MKLN1: variants seen among roughly 807,000 people sequenced by gnomAD.
MKLN1 encodes muskelin.
Under a neutral mutation model 99.0 loss-of-function variants are expected in MKLN1, and 18 were observed. The observed-to-expected ratio is 0.18, with a 90% CI of 0.13 to 0.27. The LOEUF (loss-of-function observed/expected upper bound fraction) is 0.27. Among genes scored for constraint, MKLN1 ranks in the 10% least tolerant of loss-of-function variants. The pLI, the probability that MKLN1 is intolerant of heterozygous loss-of-function variation, is 1.00. For missense variants in MKLN1, 621 were observed against 875.9 expected (o/e 0.71, Z 3.67); for synonymous variants, 288 against 293.2 (o/e 0.98, Z 0.18).
chr7:131,327,081 C>G (rs1344588311), upstream of MKLN1: 1 of 152,188 alleles, frequency 6.6e-6, no homozygotes, highest in Non-Finnish European at 1.5e-5. Context: ...GGCTGCTGTT[C>G]CCTCTAAGAA....
chr7:131,299,776 G>A (rs966031622), intron 3 of MKLN1, among the ~76,000 whole-genome samples: 2 of 152,182 alleles, frequency 1.3e-5, no homozygotes, highest in Admixed American at 6.5e-5. Context: ...CGTTAACGAT[G>A]TTAACGTCGC....
At chr7:131,482,265 G>A (rs950989141) in intron 17 of MKLN1, among the ~76,000 whole-genome samples, 1 of 152,146 alleles carries the variant, frequency 6.6e-6, no homozygotes, top group Non-Finnish European at 1.5e-5. Context: ...TGCAGTCATG[G>A]CTCACTGCAG....
chr7:131,153,034 T>TATATATATATATA (rs34593474), intron 2 of MKLN1, among the ~76,000 whole-genome samples: 2 of 139,324 alleles, frequency 1.4e-5, no homozygotes, highest in African/African-American at 5.5e-5. Context: ...TATATATATA[T>TATATATATATATA]TTTTTTTTTT....
chr7:131,407,091 C>T (rs1185912325), intron 6 of MKLN1, among the ~76,000 whole-genome samples: 1 of 151,968 alleles, frequency 6.6e-6, no homozygotes, highest in Non-Finnish European at 1.5e-5. Flanking sequence ...CTTCTCTAAA[C>T]CCTTTATCCC....
intron 3 of MKLN1, among the ~76,000 whole-genome samples, chr7:131,222,900 T>C (rs1423097854): frequency 6.7e-6 from 1 of 149,582 alleles, no homozygotes; most frequent in Non-Finnish European, 1.5e-5. Flanking sequence ...AAACTAGCCA[T>C]GCATGGTGGT....
intron 3 of MKLN1, among the ~76,000 whole-genome samples, chr7:131,302,297 A>G (rs981509068): frequency 5.3e-5 from 8 of 152,220 alleles, no homozygotes; most frequent in Admixed American, 4.6e-4. Context: ...CACTAAATAA[A>G]TGGATGAAAG....
intron 2 of MKLN1, among the ~76,000 whole-genome samples, chr7:131,379,548 A>G (rs1459280546): frequency 2.6e-5 from 4 of 152,232 alleles, no homozygotes; most frequent in Admixed American, 1.3e-4. Flanking sequence ...GATAGAAAAG[A>G]TGAAATAGAA....
At chr7:131,288,378 G>T (rs1026871460) in intron 3 of MKLN1, among the ~76,000 whole-genome samples, 3 of 152,056 alleles carry the variant, frequency 2.0e-5, no homozygotes, top group Non-Finnish European at 4.4e-5. Flanking sequence ...TCGACCTTGG[G>T]TGCCTCAGTA....
At chr7:131,215,317 G>A (rs1796964373) in intron 3 of MKLN1, among the ~76,000 whole-genome samples, 1 of 152,312 alleles carries the variant, frequency 6.6e-6, no homozygotes, top group South Asian at 2.1e-4. Flanking sequence ...CAAAGTGGTG[G>A]GATTACAGGC....
intron 4 of MKLN1, among the ~76,000 whole-genome samples, chr7:131,392,755 G>A (rs773470491): frequency 4.6e-5 from 7 of 151,746 alleles, no homozygotes; most frequent in Non-Finnish European, 7.4e-5. Flanking sequence ...ACAGGCATGC[G>A]CCACCATGCC....
intron 3 of MKLN1, among the ~76,000 whole-genome samples, chr7:131,224,898 C>T (rs1321982687): frequency 1.3e-5 from 2 of 150,606 alleles, no homozygotes; most frequent in Non-Finnish European, 3.0e-5. Context: ...ATGGTGAAAC[C>T]CCGTCTCTAC....
chr7:131,329,665 A>C (rs1386477108), intron 1 of MKLN1, among the ~76,000 whole-genome samples: 1 of 152,206 alleles, frequency 6.6e-6, no homozygotes, highest in African/African-American at 2.4e-5. Context: ...CTTGGATAAC[A>C]CAAGTACCAT....
At chr7:131,345,913 T>C (rs1364322491) in intron 1 of MKLN1, among the ~76,000 whole-genome samples, 2 of 152,186 alleles carry the variant, frequency 1.3e-5, no homozygotes, top group Non-Finnish European at 2.9e-5. Flanking sequence ...AATATACTTA[T>C]GAAATTGATA....
intron 1 of MKLN1, among the ~76,000 whole-genome samples, chr7:131,372,714 C>T (rs931453676): frequency 6.7e-6 from 1 of 149,976 alleles, no homozygotes; most frequent in African/African-American, 2.4e-5. Context: ...TTAGTTATAT[C>T]CCCTAGGTTT....
intron 3 of MKLN1, among the ~76,000 whole-genome samples, chr7:131,278,383 A>T (rs774908700): frequency 2.0e-5 from 3 of 152,056 alleles, no homozygotes; most frequent in Non-Finnish European, 2.9e-5. Flanking sequence ...AATCCAGGTG[A>T]TCCAATAATA....
At chr7:131,449,672 G>A (rs188297614) in intron 12 of MKLN1, among the ~76,000 whole-genome samples, 1 of 151,326 alleles carries the variant, frequency 6.6e-6, no homozygotes, top group African/African-American at 2.4e-5. Flanking sequence ...CCTCATCTCT[G>A]CCTCTCTCAC....
chr7:131,421,482 TC>T (rs1795190938), intron 8 of MKLN1, among the ~76,000 whole-genome samples: 1 of 152,162 alleles, frequency 6.6e-6, no homozygotes, highest in African/African-American at 2.4e-5. Context: ...GTGTCTGACA[TC>T]CCTGGGATTG....
chr7:131,450,935 T>C (rs1796159873), intron 12 of MKLN1, among the ~76,000 whole-genome samples: 1 of 152,226 alleles, frequency 6.6e-6, no homozygotes, highest in Non-Finnish European at 1.5e-5. Context: ...TCATGATTTC[T>C]TAAAGAGCAT....
chr7:131,445,932 A>T, intron 12 of MKLN1, 29 bp downstream of exon 12: 1 of 1,518,068 alleles, frequency 6.6e-7, no homozygotes, highest in Non-Finnish European at 9.0e-7. Context: ...TTCTTCTCTC[A>T]TGTCTTAACT....
Sources: gnomAD v4.1 joint callset for allele counts (sites outside exome capture counted in the v4.1 genomes callset) on GRCh38, gnomAD v4.1.1 for gene constraint, MANE v1.5 for transcripts, NCBI Gene and HGNC (gene_info 2026-07-23, HGNC 2026-07-21) for gene names.